Variants in NIN observed in about 807,000 individuals in gnomAD.
NIN encodes glycogen synthase kinase 3 beta-interacting protein.
A neutral mutation model predicts 257.6 loss-of-function variants in NIN; 137 were observed. The ratio of observed to expected loss-of-function variants is 0.53; its 90% CI spans 0.46 to 0.61. The LOEUF (loss-of-function observed/expected upper bound fraction) is 0.61, where lower values mean the gene tolerates loss of function less well. NIN is among the 20% of genes least tolerant of loss of function. NIN has a pLI of 0.00. For synonymous variants in NIN, 918 were observed against 919.8 expected (o/e 1.00, Z 0.04); for missense variants, 2,439 against 2,501.2 (o/e 0.98, Z 0.53).
At chr14:50,739,522 A>C in intron 25 of NIN, 35 bp from the exon 26 acceptor site, 1 of 1,600,868 alleles carries the variant, frequency 6.2e-7, no homozygotes, top group Non-Finnish European at 8.5e-7. Context: ...CCTTAAAAAC[A>C]AGCTATTGGG....
chr14:50,798,857 C>T (rs915502653), intron 4 of NIN, among the ~76,000 whole-genome samples: 1 of 152,222 alleles, frequency 6.6e-6, no homozygotes, highest in African/African-American at 2.4e-5. Context: ...CAGCTCACTG[C>T]AAACTCCACC....
chr14:50,742,355 A>C (rs2041325038), intron 24 of NIN: 1 of 151,672 alleles, frequency 6.6e-6, no homozygotes, highest in Non-Finnish European at 1.5e-5. Context: ...AGGTGGCAGC[A>C]AGTGGTGATC....
intron 12 of NIN, among the ~76,000 whole-genome samples, chr14:50,768,131 G>A (rs1038156785): frequency 2.0e-5 from 3 of 150,876 alleles, no homozygotes; most frequent in African/African-American, 7.3e-5. Context: ...CTTTTCCAGT[G>A]TTAAAGGCTG....
intron 3 of NIN, among the ~76,000 whole-genome samples, chr14:50,820,831 T>C (rs1288765087): frequency 2.0e-5 from 3 of 152,162 alleles, no homozygotes; most frequent in Admixed American, 6.5e-5. Flanking sequence ...CTTTTGCACA[T>C]GAATTTCAGG....
At chr14:50,734,055 T>C (rs1022210855) in intron 28 of NIN, among the ~76,000 whole-genome samples, 2 of 151,986 alleles carry the variant, frequency 1.3e-5, no homozygotes, top group African/African-American at 4.8e-5. Flanking sequence ...AGAAAATACT[T>C]AAATAGCTCC....
At chr14:50,817,458 G>A (rs2044960603) in intron 3 of NIN, among the ~76,000 whole-genome samples, 1 of 152,132 alleles carries the variant, frequency 6.6e-6, no homozygotes, top group African/African-American at 2.4e-5. Context: ...TTTCAGAAAT[G>A]TAAGAAAATT....
At chr14:50,775,204 T>A (rs970183297) in intron 7 of NIN, among the ~76,000 whole-genome samples, 1 of 151,700 alleles carries the variant, frequency 6.6e-6, no homozygotes, top group African/African-American at 2.4e-5. Context: ...ATCTCCTGAT[T>A]TTTTTTTTCA....
chr14:50,754,934 T>C, intron 18 of NIN, 67 bp from the exon 19 acceptor site: 6 of 1,120,220 alleles, frequency 5.4e-6, no homozygotes, highest in Non-Finnish European at 7.6e-6. Flanking sequence ...AAATATTTTC[T>C]AGTAACTTCC....
At chr14:50,759,654 C>A (rs1395813779) in intron 17 of NIN, among the ~76,000 whole-genome samples, 1 of 152,234 alleles carries the variant, frequency 6.6e-6, no homozygotes, top group Admixed American at 6.5e-5. Context: ...CCACCACGCC[C>A]GGCTAATTTT....
intron 28 of NIN, among the ~76,000 whole-genome samples, chr14:50,733,492 C>G (rs746820947): frequency 5.3e-5 from 8 of 152,160 alleles, no homozygotes; most frequent in Non-Finnish European, 7.4e-5. Flanking sequence ...TTTTCCTTAG[C>G]TGTTCGGCTC....
intron 2 of NIN, among the ~76,000 whole-genome samples, chr14:50,826,162 T>G (rs2045448381): frequency 6.6e-6 from 1 of 152,222 alleles, no homozygotes; most frequent in African/African-American, 2.4e-5. Context: ...GGAGTCTTAC[T>G]CAGAGATTAA....
intron 4 of NIN, among the ~76,000 whole-genome samples, chr14:50,794,257 C>T (rs905284742): frequency 1.3e-5 from 2 of 152,216 alleles, no homozygotes; most frequent in South Asian, 2.1e-4. Context: ...ACATTCTGAA[C>T]ATGCTCAGCA....
chr14:50,790,956 T>C (rs2043564835), intron 5 of NIN, among the ~76,000 whole-genome samples: 1 of 152,172 alleles, frequency 6.6e-6, no homozygotes, highest in Non-Finnish European at 1.5e-5. Context: ...TTCTGCGTAT[T>C]CCTAGATGAG....
At chr14:50,792,571 G>A in intron 5 of NIN, 141 bp downstream of exon 5, 3 of 821,562 alleles carry the variant, frequency 3.7e-6, no homozygotes, top group Non-Finnish European at 3.9e-6. Flanking sequence ...CAAAAGGCAA[G>A]TAATAAGATT....
intron 2 of NIN, chr14:50,823,179 CAG>C (rs1566885255): frequency 3.6e-6 from 2 of 549,586 alleles, no homozygotes; most frequent in Non-Finnish European, 7.3e-6. Context: ...CCTTGCATGA[CAG>C]TTCATTTTTA....
chr14:50,791,560 A>T, intron 5 of NIN, among the ~76,000 whole-genome samples: 1 of 151,612 alleles, frequency 6.6e-6, no homozygotes, highest in East Asian at 1.9e-4. Context: ...TGTTTTTTTA[A>T]AAAAAAATGA....
intron 3 of NIN, among the ~76,000 whole-genome samples, chr14:50,818,707 T>G: frequency 6.6e-6 from 1 of 152,156 alleles, no homozygotes; most frequent in East Asian, 1.9e-4. Context: ...AAATCAGGGA[T>G]CCACAAGCTT....
intron 29 of NIN, among the ~76,000 whole-genome samples, chr14:50,728,054 A>AT (rs146848108): frequency 0.24 from 36,772 of 150,294 alleles, 4,744 homozygotes; most frequent in Middle Eastern, 0.32. Context: ...TGGTTGGAGG[A>AT]TTTTTTTTTT....
intron 22 of NIN, among the ~76,000 whole-genome samples, chr14:50,745,449 C>T (rs1948242207): frequency 6.6e-6 from 1 of 152,158 alleles, no homozygotes; most frequent in South Asian, 2.1e-4. Flanking sequence ...TTTAACTTTC[C>T]TCTATTTCAC....
Sources: gnomAD v4.1 joint callset for allele counts (sites outside exome capture counted in the v4.1 genomes callset) on GRCh38, gnomAD v4.1.1 for gene constraint, MANE v1.5 for transcripts, NCBI Gene and HGNC (gene_info 2026-07-23, HGNC 2026-07-21) for gene names.